The following WDR49 variants were observed in gnomAD, a reference collection of about 807,000 sequenced individuals.
WDR49 encodes cilia- and flagella-associated protein 337.
A neutral mutation model predicts 119.5 loss-of-function variants in WDR49; 107 were observed. That is an observed-to-expected ratio of 0.90 (90% confidence interval 0.77 to 1.05). WDR49 has a LOEUF of 1.05. Ranked by LOEUF, WDR49 falls within the 50% of genes least tolerant of loss-of-function variation. The pLI, the probability that WDR49 is intolerant of heterozygous loss-of-function variation, is 0.00. For missense variants in WDR49, 1,240 were observed against 1,220.5 expected (o/e 1.02, Z -0.24); for synonymous variants, 425 against 418.8 (o/e 1.01, Z -0.18).
intron 2 of WDR49, among the ~76,000 whole-genome samples, chr3:167,634,022 C>G (rs1434637988): frequency 1.3e-5 from 2 of 151,886 alleles, no homozygotes; most frequent in African/African-American, 4.8e-5. Context: ...AAATAATTCT[C>G]ATTTTCATTT....
chr3:167,490,550 T>C (rs150756638), intron 18 of WDR49, among the ~76,000 whole-genome samples: 1 of 152,294 alleles, frequency 6.6e-6, no homozygotes, highest in African/African-American at 2.4e-5. Context: ...TTTTATATGA[T>C]ATCAAAGATT....
intron 2 of WDR49, among the ~76,000 whole-genome samples, chr3:167,630,165 T>C (rs1246343175): frequency 2.0e-5 from 3 of 152,124 alleles, no homozygotes; most frequent in African/African-American, 7.2e-5. Flanking sequence ...TTCACTGTTA[T>C]CTTCTTTAAC....
At chr3:167,526,808 C>T (rs1752649536) in intron 15 of WDR49, among the ~76,000 whole-genome samples, 1 of 152,060 alleles carries the variant, frequency 6.6e-6, no homozygotes. Flanking sequence ...AACAACAAAC[C>T]TTGTCTTCCA....
intron 16 of WDR49, among the ~76,000 whole-genome samples, chr3:167,516,633 T>G (rs1752218155): frequency 6.6e-6 from 1 of 152,068 alleles, no homozygotes. Flanking sequence ...GATGGCTGGG[T>G]CAAATGGTAT....
At chr3:167,626,762 T>C (rs911280473) in intron 3 of WDR49, 90 bp downstream of exon 3, 6 of 1,049,548 alleles carry the variant, frequency 5.7e-6, no homozygotes, top group South Asian at 5.0e-5. Flanking sequence ...CCAAGAGTAA[T>C]GCAGCTTTCT....
chr3:167,505,930 A>G (rs970285442), intron 16 of WDR49, among the ~76,000 whole-genome samples: 1 of 152,230 alleles, frequency 6.6e-6, no homozygotes, highest in African/African-American at 2.4e-5. Flanking sequence ...ATTTTTATCA[A>G]TAAAACATGG....
Position 167,521,730 on chromosome 3 carries a change from T to C in WDR49, c.2774+585A>G, listed in dbSNP as rs56031409. On this transcript the variant is annotated intron_variant, in intron 16 of 18. Coordinates refer to ENST00000682715, the MANE Select transcript of WDR49 (RefSeq NM_001366157.1). ...GAAAGTTAAGTTATGAGAGCATGGTTTAGCAAAAGTGTAGAAAACAAAAGA... is the reference window on the plus strand; with the variant it reads ...GAAAGTTAAGTTATGAGAGCATGGTCTAGCAAAAGTGTAGAAAACAAAAGA... Among the ~76,000 whole-genome samples, 1,356 of 152,248 alleles carry C rather than the reference T, an allele frequency of 8.9e-3. 13 individuals are homozygous for C. The highest frequency in any genetic ancestry group is 0.031 in the African/African-American group (1,277 of 41,544).
In WDR49 at chr3:167,653,421, C is replaced by T. The variant is rs886656555; in HGVS notation, c.5G>A (p.Ser2Asn). ...TAACTCAAGTACAGCTTTCTGGCAA[C>T]TCATAATGGCTTCACCTTTTCTCAG... M[S>N]CQKAVLELNI... Residue 2 changes from serine to asparagine, a missense_variant, in exon 2 of 19, where the codon AGT becomes AAT. Physicochemically the swap from Ser to Asn is conservative, Grantham distance 46. Coordinates refer to ENST00000682715, the MANE Select transcript of WDR49 (RefSeq NM_001366157.1). The T allele has an allele frequency of 1.3e-6, 2 of 1,512,304 alleles. No homozygotes were observed. Among genetic ancestry groups the T allele is most frequent in the Non-Finnish European group, 1.8e-6 (2 of 1,137,284 alleles). The allele number at this position is 1,512,304 out of a possible 1,614,324, so 93.7% of individuals were successfully genotyped here.
chr3:167,505,263 T>C, intron 17 of WDR49, 44 bp downstream of exon 17: 1 of 1,400,880 alleles, frequency 7.1e-7, no homozygotes, highest in Non-Finnish European at 9.3e-7. Flanking sequence ...CACTAATCTG[T>C]TAAATAATAT....
At chr3:167,655,679 C>T (rs1161994287), upstream of WDR49, among the ~76,000 whole-genome samples, 2 of 152,160 alleles carry the variant, frequency 1.3e-5, no homozygotes, top group African/African-American at 2.4e-5. Flanking sequence ...AGGCAGATCA[C>T]TTGAGGTCAG....
intron 10 of WDR49, among the ~76,000 whole-genome samples, chr3:167,539,707 C>T: frequency 6.6e-6 from 1 of 152,154 alleles, no homozygotes; most frequent in East Asian, 1.9e-4. Flanking sequence ...ATGTCACCTA[C>T]TCAGGCAAGC....
At chr3:167,520,853 G>T (rs1177932563) in intron 16 of WDR49, among the ~76,000 whole-genome samples, 1 of 152,070 alleles carries the variant, frequency 6.6e-6, no homozygotes, top group Non-Finnish European at 1.5e-5. Context: ...ATAAACAAAG[G>T]ATGCGGAAAC....
At chr3:167,490,745 T>A (rs1188093242) in intron 18 of WDR49, among the ~76,000 whole-genome samples, 1 of 152,104 alleles carries the variant, frequency 6.6e-6, no homozygotes, top group Non-Finnish European at 1.5e-5. Flanking sequence ...GAGTTCACTG[T>A]TTTTGAACTA....
chr3:167,572,424 G>C (rs1326448987), intron 8 of WDR49, among the ~76,000 whole-genome samples: 1 of 152,182 alleles, frequency 6.6e-6, no homozygotes, highest in Non-Finnish European at 1.5e-5. Context: ...TAAAGTGTAG[G>C]CAACATGTTG....
At chr3:167,581,179 T>C (rs1577253765) in intron 7 of WDR49, among the ~76,000 whole-genome samples, 2 of 152,176 alleles carry the variant, frequency 1.3e-5, no homozygotes, top group African/African-American at 4.8e-5. Flanking sequence ...TAATATCATA[T>C]AGCTTTTCAA....
In WDR49 at chr3:167,576,118, A is replaced by G; in HGVS notation, c.1309T>C (p.Ser437Pro). Residue 437 changes from serine to proline, a missense_variant, in exon 8 of 19, where the codon TCC becomes CCC. Ser to Pro is a moderately conservative substitution (Grantham distance 74, BLOSUM62 -1). Coordinates refer to ENST00000682715, the MANE Select transcript of WDR49 (RefSeq NM_001366157.1). ...LRLWDIQHQL[S>P]IQRIACSFPK... ...AAAGAACAAGCTATCCTCTGGATGGACAGCTGGTGTTGAATATCCCAGAGT... is the reference window on the plus strand; with the variant it reads ...AAAGAACAAGCTATCCTCTGGATGGGCAGCTGGTGTTGAATATCCCAGAGT... 2 of 1,614,098 alleles carry G rather than the reference A, an allele frequency of 1.2e-6. No individual in the cohort carries two copies. The highest frequency in any genetic ancestry group is 1.7e-6 in the Non-Finnish European group (2 of 1,179,996).
chr3:167,532,983 C>G lies in WDR49; in HGVS notation c.1955-6G>C. ...AATTTCTCCATCATAACTCCCTACACAAGACAGGATGGAGAATATAAATTG... is the reference window on the plus strand; with the variant it reads ...AATTTCTCCATCATAACTCCCTACAGAAGACAGGATGGAGAATATAAATTG... On this transcript the variant is annotated splice_region_variant and splice_polypyrimidine_tract_variant and intron_variant, in intron 11 of 18. Transcript: ENST00000682715. 6.3e-7 allele frequency: 1 copy of G among 1,575,230 alleles called. No individual in the cohort carries two copies. Among genetic ancestry groups the G allele is most frequent in the African/African-American group, 1.3e-5 (1 of 74,262 alleles).
intron 18 of WDR49, among the ~76,000 whole-genome samples, chr3:167,489,462 A>T (rs1238985748): frequency 1.3e-5 from 2 of 152,042 alleles, no homozygotes; most frequent in Non-Finnish European, 2.9e-5. Context: ...ACTTACATTC[A>T]CTATTCCCTA....
In WDR49 at chr3:167,635,419, T is replaced by A. The variant is rs80010287; in HGVS notation, c.166-8127A>T. 1.0e-2 allele frequency among the ~76,000 whole-genome samples: 1,518 copies of A among 151,850 alleles called. 31 individuals carry two copies. The highest frequency in any genetic ancestry group is 0.096 in the East Asian group (494 of 5,156). On this transcript the variant is annotated intron_variant, in intron 2 of 18. Coordinates refer to ENST00000682715, the MANE Select transcript of WDR49 (RefSeq NM_001366157.1). ...AGTAATAAGCCTAAATATTACATAC[T>A]TTCAGGAGGAAAAATATATTTCTAA...
Sources: allele counts gnomAD v4.1 joint callset (sites outside exome capture counted in the v4.1 genomes callset), GRCh38; gene constraint gnomAD v4.1.1; transcripts MANE v1.5; gene names NCBI Gene and HGNC (gene_info 2026-07-23, HGNC 2026-07-21).